AZI2: variants seen among roughly 807,000 people sequenced by gnomAD.
The protein encoded by AZI2 is 5-azacytidine-induced protein 2.
AZI2 carries 22 observed loss-of-function variants against 45.8 expected under a neutral mutation model. The ratio of observed to expected loss-of-function variants is 0.48; its 90% CI spans 0.34 to 0.69. The LOEUF (loss-of-function observed/expected upper bound fraction) is 0.69, where lower values mean the gene tolerates loss of function less well. Ranked by LOEUF, AZI2 falls within the 30% of genes least tolerant of loss-of-function variation. AZI2 has a pLI of 0.01. For synonymous variants in AZI2, 137 were observed against 156.7 expected (o/e 0.87, Z 0.94); for missense variants, 417 against 441.5 (o/e 0.94, Z 0.50).
intron 1 of AZI2, among the ~76,000 whole-genome samples, chr3:28,344,431 T>G (rs2125670069): frequency 6.6e-6 from 1 of 152,188 alleles, no homozygotes; most frequent in East Asian, 1.9e-4. Context: ...GGAAAACTGT[T>G]AGCAAAGTAA....
rs1160782998 is a variant in AZI2 at position 28,321,984 on chromosome 3, A to C, written c.*2058T>G. On this transcript the variant is annotated 3_prime_UTR_variant, in exon 8 of 8. Transcript: ENST00000479665. Reference sequence around the variant, plus strand: ...TTCAGCTAGTATGAAAGAAGTCAACATAAAATATTCAATTTTAAATAGATT... The same window carrying C: ...TTCAGCTAGTATGAAAGAAGTCAACCTAAAATATTCAATTTTAAATAGATT... 1 of 151,398 alleles carries C rather than the reference A, an allele frequency of 6.6e-6. No homozygotes were observed. The highest frequency in any genetic ancestry group is 1.9e-4 in the East Asian group (1 of 5,166). 9.4% of individuals were successfully genotyped at this position (151,398 alleles called of 1,614,324 possible).
At chr3:28,333,175 T>C (rs533770242) in intron 5 of AZI2, among the ~76,000 whole-genome samples, 5 of 151,962 alleles carry the variant, frequency 3.3e-5, no homozygotes, top group African/African-American at 1.2e-4. Context: ...ATTTTATTAT[T>C]TCTTACTAAT....
chr3:28,325,315 T>G (rs1703348887), intron 7 of AZI2, among the ~76,000 whole-genome samples: 1 of 151,020 alleles, frequency 6.6e-6, no homozygotes, highest in African/African-American at 2.4e-5. Flanking sequence ...GATGGCCAAG[T>G]GTAACTAAGG....
chr3:28,339,205 T>A (rs1236378535), intron 2 of AZI2, among the ~76,000 whole-genome samples: 2 of 152,158 alleles, frequency 1.3e-5, no homozygotes, highest in African/African-American at 2.4e-5. Flanking sequence ...CTTGGACTCC[T>A]GACTTCAGGC....
intron 6 of AZI2, among the ~76,000 whole-genome samples, chr3:28,327,473 T>C (rs1703427977): frequency 6.6e-6 from 1 of 151,020 alleles, no homozygotes; most frequent in African/African-American, 2.4e-5. Flanking sequence ...TATGTTTGAC[T>C]GGGCTGTCTC....
chr3:28,331,593 T>C, intron 6 of AZI2: 2 of 1,052,198 alleles, frequency 1.9e-6, no homozygotes. Context: ...ATTGATCATT[T>C]CTCTAAAGCA....
At chr3:28,325,137 A>AC (rs1703339778) in intron 7 of AZI2, 1 of 150,236 alleles carries the variant, frequency 6.7e-6, no homozygotes, top group Admixed American at 6.7e-5. Flanking sequence ...AAAAAAAAAA[A>AC]AAAAACAGCC....
intron 5 of AZI2, among the ~76,000 whole-genome samples, chr3:28,333,250 C>T (rs1577127955): frequency 6.6e-6 from 1 of 151,694 alleles, no homozygotes; most frequent in South Asian, 2.1e-4. Context: ...CATGAGTACT[C>T]TCAACTTGAG....
At position 28,338,674 on chromosome 3, in the gene AZI2, G is replaced by A. The variant is rs1321678142; in HGVS notation, c.217-59C>T. The A allele has an allele frequency of 3.9e-5, 58 of 1,486,200 alleles. 1 individual carries two copies. The South Asian group carries it at 6.8e-4, about 17-fold the overall frequency. 92.1% of individuals were successfully genotyped at this position (1,486,200 alleles called of 1,614,324 possible). On this transcript the variant is annotated intron_variant, in intron 2 of 7. Coordinates refer to ENST00000479665, the MANE Select transcript of AZI2 (RefSeq NM_022461.5). Reference sequence around the variant, plus strand: ...AGAGTATTCTATAGATAAAAAATAAGTCAGTGTTCTGATGGCTCCATATCT... The same window carrying A: ...AGAGTATTCTATAGATAAAAAATAAATCAGTGTTCTGATGGCTCCATATCT...
intron 6 of AZI2, chr3:28,331,832 T>G (rs1398655200): frequency 3.2e-6 from 5 of 1,542,134 alleles, no homozygotes; most frequent in Non-Finnish European, 4.4e-6. Flanking sequence ...GGAAAAAGGG[T>G]TGAAAAAGTA....
chr3:28,322,539 A>G lies in AZI2; in HGVS notation c.*1503T>C, dbSNP rs1179583403. 1 of 151,658 alleles carries G rather than the reference A, an allele frequency of 6.6e-6. No homozygotes were observed. The allele number at this position is 151,658 out of a possible 1,614,324, so 9.4% of individuals were successfully genotyped here. A position where few individuals can be genotyped will look rare whatever the true frequency, so the allele number is the denominator to read the frequency against. On this transcript the variant is annotated 3_prime_UTR_variant, in exon 8 of 8. Coordinates refer to ENST00000479665, the MANE Select transcript of AZI2 (RefSeq NM_022461.5). ...GATATAATATACAGCCTATGCAGCC[A>G]CATGAGAAATAGTTTTTGCTGCTTT...
At chr3:28,333,421 G>C (rs7639750) in intron 5 of AZI2, among the ~76,000 whole-genome samples, 78,817 of 151,316 alleles carry the variant, frequency 0.52, 21,003 homozygotes, top group African/African-American at 0.55. Flanking sequence ...CGAGACACAT[G>C]TCCTTGGACC....
intron 6 of AZI2, among the ~76,000 whole-genome samples, chr3:28,328,229 T>C (rs960008531): frequency 5.3e-5 from 8 of 151,102 alleles, no homozygotes; most frequent in African/African-American, 1.9e-4. Flanking sequence ...CCATGTCTAC[T>C]TCACCAAAAA....
chr3:28,338,743 G>T (rs1158580567), intron 2 of AZI2, 128 bp from the exon 3 acceptor site: 2 of 814,124 alleles, frequency 2.5e-6, no homozygotes, highest in Non-Finnish European at 3.5e-6. Context: ...TTCATTAGGT[G>T]AGTATTTCAT....
chr3:28,348,811 C>T lies in AZI2; in HGVS notation c.-216G>A. The T allele has an allele frequency of 1.0e-5, 3 of 295,342 alleles. No individual in the cohort carries two copies. Among genetic ancestry groups the T allele is most frequent in the Non-Finnish European group, 1.5e-5 (3 of 198,732 alleles). 18.3% of individuals were successfully genotyped at this position (295,342 alleles called of 1,614,324 possible). ...CTTCTGACTCGGCAGGAGCCCGGGA[C>T]GTTCTGGAAGGAGGGACGAGCCGAG... is the stretch of plus-strand genomic sequence containing the variant. On this transcript the variant is annotated 5_prime_UTR_variant, in exon 1 of 8. Transcript: ENST00000479665.
chr3:28,338,436 T>C (rs1703882742), intron 3 of AZI2, 57 bp downstream of exon 3: 4 of 1,488,912 alleles, frequency 2.7e-6, no homozygotes, highest in African/African-American at 1.4e-5. Context: ...TTTAAACCTC[T>C]TGAAGGAGAA....
Position 28,324,167 on chromosome 3 carries a change from G to A in AZI2, c.1054C>T (p.Pro352Ser). 3 of 1,610,662 alleles carry A rather than the reference G, an allele frequency of 1.9e-6. No homozygotes were observed. The highest frequency in any genetic ancestry group is 2.5e-6 in the Non-Finnish European group (3 of 1,177,632). Reference sequence around the variant, plus strand: ...GTCTCACTTGATTTAGGAGGACTTGGAAATACCCAGGAATTGTCTTCCAGA... The same window carrying A: ...GTCTCACTTGATTTAGGAGGACTTGAAAATACCCAGGAATTGTCTTCCAGA... ...NSLEDNSWVF[P>S]SPPKSSETAF... The change falls in exon 8 of 8, where the codon CCA becomes TCA. Residue 352 changes from proline to serine, a missense_variant. Coordinates refer to ENST00000479665, the MANE Select transcript of AZI2 (RefSeq NM_022461.5).
intron 1 of AZI2, among the ~76,000 whole-genome samples, chr3:28,342,007 T>C (rs1275967660): frequency 6.6e-6 from 1 of 152,122 alleles, no homozygotes; most frequent in African/African-American, 2.4e-5. Flanking sequence ...TGTTTCACTA[T>C]GCCTGCTTTC....
At chr3:28,342,027 G>A (rs1355581500) in intron 1 of AZI2, among the ~76,000 whole-genome samples, 3 of 152,084 alleles carry the variant, frequency 2.0e-5, no homozygotes, top group Non-Finnish European at 2.9e-5. Flanking sequence ...CTTCCAAAAT[G>A]TCTAATCTCC....
Sources: allele counts gnomAD v4.1 joint callset (sites outside exome capture counted in the v4.1 genomes callset), GRCh38; gene constraint gnomAD v4.1.1; transcripts MANE v1.5; gene names NCBI Gene and HGNC (gene_info 2026-07-23, HGNC 2026-07-21).